Variants in BICDL1 observed in about 807,000 individuals in gnomAD.
BICDL1 encodes BICD family-like cargo adapter 1.
BICDL1 carries 20 observed loss-of-function variants against 76.8 expected under a neutral mutation model. The ratio of observed to expected loss-of-function variants is 0.26; its 90% CI spans 0.18 to 0.38. BICDL1 has a LOEUF of 0.38. BICDL1 is among the 10% of genes least tolerant of loss of function. The probability of loss-of-function intolerance (pLI) is 1.00; values close to 1 mark genes in which losing one functional copy is unlikely to be tolerated. For synonymous variants in BICDL1, 383 were observed against 337.1 expected (o/e 1.14, Z -1.49); for missense variants, 700 against 798.6 (o/e 0.88, Z 1.49).
At chr12:120,082,344 A>G (rs1254110340) in intron 8 of BICDL1, among the ~76,000 whole-genome samples, 1 of 146,878 alleles carries the variant, frequency 6.8e-6, no homozygotes, top group East Asian at 2.1e-4. Context: ...CCTCCCCATC[A>G]TGGTCTTGAG....
chr12:120,091,649 T>G, intron 9 of BICDL1: 2 of 984,898 alleles, frequency 2.0e-6, no homozygotes, highest in Non-Finnish European at 2.4e-6. Context: ...AAGACAGGGT[T>G]GAGAGAATAG....
chr12:120,028,269 GAA>G (rs1730096627), intron 2 of BICDL1, among the ~76,000 whole-genome samples: 1 of 151,960 alleles, frequency 6.6e-6, no homozygotes, highest in African/African-American at 2.4e-5. Flanking sequence ...TAATTAATAA[GAA>G]AATATATCTA....
chr12:120,009,939 T>C (rs1447690553), intron 2 of BICDL1, among the ~76,000 whole-genome samples: 2 of 152,264 alleles, frequency 1.3e-5, no homozygotes, highest in Non-Finnish European at 2.9e-5. Context: ...AAAAGAGAAC[T>C]TCTGGTCTAT....
chr12:120,080,793 TG>T, intron 7 of BICDL1, 93 bp from the exon 8 acceptor site: 1 of 1,426,578 alleles, frequency 7.0e-7, no homozygotes. Flanking sequence ...ACATGTACCC[TG>T]GTCCTGCCTG....
At chr12:120,044,756 A>G (rs1476803269) in intron 2 of BICDL1, among the ~76,000 whole-genome samples, 4 of 151,950 alleles carry the variant, frequency 2.6e-5, no homozygotes, top group East Asian at 1.9e-4. Flanking sequence ...GTTCTGTTCC[A>G]TTGATCTATA....
intron 2 of BICDL1, among the ~76,000 whole-genome samples, chr12:120,031,748 C>CACTTTCA (rs1290207423): frequency 1.3e-5 from 2 of 152,070 alleles, no homozygotes; most frequent in Non-Finnish European, 2.9e-5. Context: ...TGGTAGATCC[C>CACTTTCA]TGTGTAATTC....
At chr12:120,059,336 C>T (rs2138888690) in intron 2 of BICDL1, among the ~76,000 whole-genome samples, 1 of 152,174 alleles carries the variant, frequency 6.6e-6, no homozygotes, top group Middle Eastern at 3.4e-3. Flanking sequence ...GTGGCTCAAT[C>T]TCAACTCACT....
At chr12:120,047,796 G>A (rs1232630126) in intron 2 of BICDL1, among the ~76,000 whole-genome samples, 2 of 151,728 alleles carry the variant, frequency 1.3e-5, no homozygotes, top group Admixed American at 1.3e-4. Flanking sequence ...CTGTATTTTT[G>A]CCTTATTTGT....
intron 2 of BICDL1, among the ~76,000 whole-genome samples, chr12:120,001,340 G>A (rs1188246570): frequency 3.3e-5 from 5 of 151,952 alleles, no homozygotes; most frequent in South Asian, 2.1e-4. Flanking sequence ...TCCGCCTCCC[G>A]GGTTCATGAC....
chr12:120,064,669 C>A, intron 3 of BICDL1, 64 bp from the exon 4 acceptor site: 1 of 1,521,486 alleles, frequency 6.6e-7, no homozygotes, highest in Admixed American at 2.1e-5. Context: ...GGGCTAGTCC[C>A]TAGTTCCTAC....
At position 120,093,061 on chromosome 12, in the gene BICDL1, A is replaced by G; in HGVS notation, c.1766A>G (p.Gln589Arg). 6.2e-7 allele frequency: 1 copy of G among 1,602,708 alleles called. No homozygotes were observed. Among genetic ancestry groups the G allele is most frequent in the Non-Finnish European group, 8.5e-7 (1 of 1,173,748 alleles). The change falls in exon 10 of 10, where the codon CAG (glutamine) becomes CGG (arginine). Residue 589 changes from glutamine (Q) to arginine (R), a missense_variant. This residue lies in a region of BICDL1 where 455 missense variants were observed against 548.7 expected (regional missense o/e 0.83). Transcript: ENST00000548673. The part of the protein sequence containing the change: ...LMDTHLKERS[Q>R]PAAALCRGHS... ...GACACGCACCTGAAAGAACGGAGCC[A>G]GCCGGCTGCTGCCCTCTGCAGGGGC...
At chr12:120,042,163 C>T (rs899542324) in intron 2 of BICDL1, among the ~76,000 whole-genome samples, 2 of 152,102 alleles carry the variant, frequency 1.3e-5, no homozygotes, top group African/African-American at 4.8e-5. Context: ...ATTAATTTTA[C>T]TCGATAAATC....
At chr12:120,022,820 G>C (rs1487117188) in intron 2 of BICDL1, among the ~76,000 whole-genome samples, 1 of 152,194 alleles carries the variant, frequency 6.6e-6, no homozygotes, top group Non-Finnish European at 1.5e-5. Context: ...GCAGAGCCCA[G>C]TGAACTCTGT....
intron 2 of BICDL1, among the ~76,000 whole-genome samples, chr12:120,023,890 T>C (rs1952235078): frequency 6.6e-6 from 1 of 152,144 alleles, no homozygotes; most frequent in South Asian, 2.1e-4. Context: ...GAGGCAGAGC[T>C]GACACACGTG....
At chr12:120,056,378 C>T (rs1221302642) in intron 2 of BICDL1, among the ~76,000 whole-genome samples, 2 of 152,160 alleles carry the variant, frequency 1.3e-5, no homozygotes, top group African/African-American at 4.8e-5. Context: ...CAAAACTCAT[C>T]ATTTTGATAA....
chr12:120,022,867 G>C (rs80062485), intron 2 of BICDL1, among the ~76,000 whole-genome samples: 1 of 152,332 alleles, frequency 6.6e-6, no homozygotes, highest in African/African-American at 2.4e-5. Context: ...TGAGACCGGT[G>C]CAGCTACCAT....
At chr12:120,083,194 T>C (rs558690229) in intron 8 of BICDL1, among the ~76,000 whole-genome samples, 10 of 152,346 alleles carry the variant, frequency 6.6e-5, no homozygotes, top group Admixed American at 5.9e-4. Context: ...CACATTGTCT[T>C]ACATTCAGAA....
rs1873113222 is a variant in BICDL1, at chr12:120,071,663, C to T, written c.951C>T (p.Ser317=). ...TGGAGCTTCAGGAGGTGCGTCTCTC[C>T]TGCCGACAGCTGCAGGTGAAGGTGG... ...SQLELQEVRL[S]CRQLQVKVEE... The change falls in exon 5 of 10, where the codon TCC becomes TCT. Residue 317 remains serine (S), a synonymous_variant. Coordinates refer to ENST00000548673, the MANE Select transcript of BICDL1 (RefSeq NM_001367886.1). This position sits in a 1 kb window ranked among gnomAD's most constrained non-coding sequence, Gnocchi z 4.8. The T allele has an allele frequency of 2.5e-6, 4 of 1,612,412 alleles. No homozygotes were observed. The highest frequency in any genetic ancestry group is 3.4e-6 in the Non-Finnish European group (4 of 1,179,668).
intron 2 of BICDL1, among the ~76,000 whole-genome samples, chr12:120,058,691 A>C (rs1474059633): frequency 6.6e-6 from 1 of 151,030 alleles, no homozygotes; most frequent in African/African-American, 2.4e-5. Flanking sequence ...CCTGGGTTTA[A>C]GCGATTCTCC....
Sources: allele counts gnomAD v4.1 joint callset (sites outside exome capture counted in the v4.1 genomes callset), GRCh38; gene constraint gnomAD v4.1.1; regional missense constraint gnomAD v4.1.1; non-coding constraint Gnocchi (gnomAD v3.1); transcripts MANE v1.5; gene names NCBI Gene and HGNC (gene_info 2026-07-23, HGNC 2026-07-21).